Variants in BMPR1B observed in about 807,000 individuals in gnomAD.
BMPR1B encodes the protein bone morphogenetic protein receptor type 1B.
Under a neutral mutation model 59.1 loss-of-function variants are expected in BMPR1B, and 12 were observed. The ratio of observed to expected loss-of-function variants is 0.20; its 90% confidence interval spans 0.13 to 0.33. BMPR1B has a LOEUF of 0.33. Among genes scored for constraint, BMPR1B ranks in the 10% least tolerant of loss-of-function variants. The pLI is 1.00. For missense variants in BMPR1B, 550 were observed against 610.9 expected, an observed-to-expected ratio of 0.90 and a Z score of 1.05; for synonymous variants, 237 against 207.3, an observed-to-expected ratio of 1.14 and a Z score of -1.23.
chr4:95,092,397 T>G (rs2149250155), intron 3 of BMPR1B, among the ~76,000 whole-genome samples: 1 of 152,180 alleles, frequency 6.6e-6, no homozygotes, highest in East Asian at 1.9e-4. Flanking sequence ...TTTCTTTGGT[T>G]TACAGTTTGT....
At position 95,051,756 on chromosome 4, in the gene BMPR1B, C is replaced by T. The variant is rs908075496; in HGVS notation, c.-17-52652C>T. The T allele has an allele frequency of 2.0e-6, 3 of 1,535,432 alleles. No homozygotes were observed. In the African/African-American group the frequency reaches 4.1e-5, roughly 21 times the overall value. On this transcript the variant is annotated intron_variant, in intron 3 of 12. Transcript: ENST00000515059. ...TTCACATTTTCTTGCTCATTCTTCT[C>T]TCTATGCACACAAGGGGTAAGAAGA...
chr4:95,104,622 A>G (rs1731072038), intron 4 of BMPR1B, 55 bp downstream of exon 4: 3 of 1,594,848 alleles, frequency 1.9e-6, no homozygotes, highest in Admixed American at 1.7e-5. Flanking sequence ...CACTTTTTCA[A>G]CTATGCAACT....
At chr4:94,891,994 A>G (rs115652815) in intron 2 of BMPR1B, among the ~76,000 whole-genome samples, 172 of 152,228 alleles carry the variant, frequency 1.1e-3, no homozygotes, top group African/African-American at 3.7e-3. Flanking sequence ...CCTCTGACAT[A>G]TAAAGCACTG....
In BMPR1B at chr4:95,154,810, A is replaced by G. The variant is rs1735297261; in HGVS notation, c.*137A>G. 7.7e-7 allele frequency: 1 copy of G among 1,299,444 alleles called. No individual in the cohort carries two copies. The highest frequency in any genetic ancestry group is 1.3e-5 in the South Asian group (1 of 79,162). The allele number at this position is 1,299,444 out of a possible 1,614,324, so 80.5% of individuals were successfully genotyped here. A position where few individuals can be genotyped will look rare whatever the true frequency, so the allele number is the denominator to read the frequency against. ...CTGCTTCCCAGTGGGTTCAGACCTC[A>G]CCTCTCAGGGAGCGACCTGGGCAAA... On this transcript the variant is annotated 3_prime_UTR_variant, in exon 13 of 13. Coordinates refer to ENST00000515059, the MANE Select transcript of BMPR1B (RefSeq NM_001203.3).
At chr4:95,146,999 T>C (rs576669900) in intron 10 of BMPR1B, among the ~76,000 whole-genome samples, 1 of 152,274 alleles carries the variant, frequency 6.6e-6, no homozygotes, top group South Asian at 2.1e-4. Context: ...CTTTTTCCAG[T>C]TTTAGAAAAG....
intron 2 of BMPR1B, among the ~76,000 whole-genome samples, chr4:94,895,049 CTT>C (rs34459867): frequency 0.18 from 26,925 of 151,842 alleles, 2,479 homozygotes; most frequent in South Asian, 0.22. Flanking sequence ...ATTAATGTCT[CTT>C]AAGTTCTTCA....
intron 1 of BMPR1B, among the ~76,000 whole-genome samples, chr4:94,803,427 C>G (rs1301276258): frequency 1.3e-5 from 2 of 152,174 alleles, no homozygotes; most frequent in Non-Finnish European, 2.9e-5. Flanking sequence ...GCCTAAGACT[C>G]TCCAATGGAA....
At chr4:94,916,437 G>A (rs1245724196) in intron 2 of BMPR1B, among the ~76,000 whole-genome samples, 1 of 152,214 alleles carries the variant, frequency 6.6e-6, no homozygotes, top group Admixed American at 6.5e-5. Context: ...AAGGTCATGT[G>A]TGTTATGCCT....
In BMPR1B at chr4:95,070,098, ACT is replaced by A. The variant is rs1185174666; in HGVS notation, c.-17-34307_-17-34306del. Among the ~76,000 whole-genome samples the A allele has an allele frequency of 6.6e-5, 10 of 152,244 alleles. No homozygotes were observed. The South Asian group carries it at 1.2e-3, about 19-fold the overall frequency. ...TGGGCAACAAGAGAGAAACTGGGAA[ACT>A]CTGTCACAAAACAAAACAAACAAAC... On this transcript the variant is annotated intron_variant, in intron 3 of 12. Coordinates refer to ENST00000515059, the MANE Select transcript of BMPR1B (RefSeq NM_001203.3).
At chr4:95,128,628 A>G (rs948146893) in intron 8 of BMPR1B, among the ~76,000 whole-genome samples, 5 of 152,184 alleles carry the variant, frequency 3.3e-5, no homozygotes, top group African/African-American at 1.2e-4. Context: ...AGAGCTTGGT[A>G]AATAATATTA....
At chr4:94,896,093 C>T (rs1261977007) in intron 2 of BMPR1B, among the ~76,000 whole-genome samples, 1 of 151,920 alleles carries the variant, frequency 6.6e-6, no homozygotes, top group Non-Finnish European at 1.5e-5. Context: ...TGACGTACTC[C>T]TAGTTAAAAG....
At chr4:94,990,908 T>C (rs564991425) in intron 2 of BMPR1B, among the ~76,000 whole-genome samples, 3 of 152,350 alleles carry the variant, frequency 2.0e-5, no homozygotes, top group African/African-American at 4.8e-5. Context: ...TGTCTCACTT[T>C]CCTTGCTTAC....
At chr4:94,989,623 C>T (rs1269814290) in intron 2 of BMPR1B, among the ~76,000 whole-genome samples, 1 of 151,860 alleles carries the variant, frequency 6.6e-6, no homozygotes, top group Non-Finnish European at 1.5e-5. Context: ...AATTTTTTTC[C>T]CAAAGCTGCT....
At chr4:94,950,736 T>C (rs1464909210) in intron 2 of BMPR1B, among the ~76,000 whole-genome samples, 1 of 152,104 alleles carries the variant, frequency 6.6e-6, no homozygotes, top group Admixed American at 6.5e-5. Context: ...ATGCCTCCAG[T>C]TTTGTTCTTT....
chr4:94,972,630 T>G (rs1730855050), intron 2 of BMPR1B, among the ~76,000 whole-genome samples: 1 of 152,154 alleles, frequency 6.6e-6, no homozygotes, highest in Non-Finnish European at 1.5e-5. Flanking sequence ...TCTTCCATTT[T>G]TTTTTTGGTC....
At chr4:94,813,599 G>A (rs1194422517) in intron 1 of BMPR1B, among the ~76,000 whole-genome samples, 1 of 152,174 alleles carries the variant, frequency 6.6e-6, no homozygotes, top group African/African-American at 2.4e-5. Flanking sequence ...CATTTTCTCT[G>A]AATTAAACAA....
chr4:95,059,462 C>A (rs1350389955), intron 3 of BMPR1B, among the ~76,000 whole-genome samples: 2 of 152,022 alleles, frequency 1.3e-5, no homozygotes, highest in Non-Finnish European at 2.9e-5. Context: ...GAGCCTTGTG[C>A]TAAATCATGT....
chr4:95,051,480 C>T (rs756589985), intron 3 of BMPR1B, among the ~76,000 whole-genome samples: 7 of 152,044 alleles, frequency 4.6e-5, no homozygotes, highest in South Asian at 2.1e-4. Flanking sequence ...GGGTCCTCAC[C>T]GCCCTTTGTT....
At chr4:94,913,484 G>A (rs1214606303) in intron 2 of BMPR1B, among the ~76,000 whole-genome samples, 1 of 152,078 alleles carries the variant, frequency 6.6e-6, no homozygotes, top group Non-Finnish European at 1.5e-5. Context: ...CAAATTTTTA[G>A]TCCTCTTTGT....
Sources: allele counts gnomAD v4.1 joint callset (sites outside exome capture counted in the v4.1 genomes callset), GRCh38; gene constraint gnomAD v4.1.1; transcripts MANE v1.5; gene names NCBI Gene and HGNC (gene_info 2026-07-23, HGNC 2026-07-21).